KIF3B: variants seen among roughly 807,000 people sequenced by gnomAD.
KIF3B encodes kinesin family member 3B.
In KIF3B, 38 loss-of-function variants were observed where a neutral mutation model predicts 74.3. That is an observed-to-expected ratio of 0.51 (90% CI 0.39 to 0.67). The LOEUF (loss-of-function observed/expected upper bound fraction) is 0.67, where lower values mean the gene tolerates loss of function less well. Among genes scored for constraint, KIF3B ranks in the 30% least tolerant of loss-of-function variants. The pLI is 0.00. For synonymous variants in KIF3B, 326 were observed against 342.5 expected, an observed-to-expected ratio of 0.95 and a Z score of 0.53; for missense variants, 649 against 932.0, an observed-to-expected ratio of 0.70 and a Z score of 3.95.
At chr20:32,300,591 T>G (rs1191720842) in intron 1 of KIF3B, among the ~76,000 whole-genome samples, 2 of 151,916 alleles carry the variant, frequency 1.3e-5, no homozygotes, top group Non-Finnish European at 2.9e-5. Context: ...TTTTAAAAAT[T>G]TTTTTGTAGA....
chr20:32,279,631 A>G (rs2047632999), intron 1 of KIF3B, among the ~76,000 whole-genome samples: 2 of 151,918 alleles, frequency 1.3e-5, no homozygotes, highest in Non-Finnish European at 2.9e-5. Flanking sequence ...ATGCCCGGCT[A>G]ATTTTGTATT....
chr20:32,334,292 CT>C lies in KIF3B; in HGVS notation c.*2976del, dbSNP rs1377871126. On this transcript the variant is annotated 3_prime_UTR_variant, in exon 9 of 9. Coordinates refer to ENST00000375712, the MANE Select transcript of KIF3B (RefSeq NM_004798.4). ...GGCCACAAATCATAGGCATGAAGCACTTTCTTAAGACTGACCTAACGCTGGA... is the reference window on the plus strand; with the variant it reads ...GGCCACAAATCATAGGCATGAAGCACTTCTTAAGACTGACCTAACGCTGGA... 1 of 152,692 alleles carries C rather than the reference CT, an allele frequency of 6.5e-6. No homozygotes were observed. Among genetic ancestry groups the C allele is most frequent in the African/African-American group, 2.4e-5 (1 of 41,444 alleles). The allele number at this position is 152,692 out of a possible 1,614,324, so 9.5% of individuals were successfully genotyped here. A position where few individuals can be genotyped will look rare whatever the true frequency, so the allele number is the denominator to read the frequency against.
chr20:32,316,887 C>T lies in KIF3B; in HGVS notation c.1748+13C>T. ...AGCTGAAACTCAAGTAAGTGCCAGG[C>T]CTTCCATAGTGCCCCCAAGCCACTT... On this transcript the variant is annotated intron_variant, in intron 5 of 8. Coordinates refer to ENST00000375712, the MANE Select transcript of KIF3B (RefSeq NM_004798.4). 1.9e-6 allele frequency: 3 copies of T among 1,561,968 alleles called. No individual in the cohort carries two copies. Among genetic ancestry groups the T allele is most frequent in the Non-Finnish European group, 2.6e-6 (3 of 1,133,038 alleles).
At chr20:32,300,588 A>C (rs558073273) in intron 1 of KIF3B, among the ~76,000 whole-genome samples, 5 of 151,824 alleles carry the variant, frequency 3.3e-5, no homozygotes, top group Non-Finnish European at 5.9e-5. Context: ...GATTTTTAAA[A>C]ATTTTTTTGT....
At chr20:32,312,613 C>G (rs967114935) in intron 2 of KIF3B, among the ~76,000 whole-genome samples, 1 of 152,140 alleles carries the variant, frequency 6.6e-6, no homozygotes, top group Non-Finnish European at 1.5e-5. Context: ...ATTTTTGCAA[C>G]ATTACGTTCA....
At chr20:32,287,124 T>C (rs1052379094) in intron 1 of KIF3B, among the ~76,000 whole-genome samples, 3 of 152,226 alleles carry the variant, frequency 2.0e-5, no homozygotes, top group Non-Finnish European at 4.4e-5. Flanking sequence ...AAATGTTTGC[T>C]TAACATTATT....
intron 7 of KIF3B, 82 bp from the exon 8 acceptor site, chr20:32,330,059 T>C: frequency 7.7e-7 from 1 of 1,296,492 alleles, no homozygotes; most frequent in African/African-American, 1.5e-5. Flanking sequence ...TGCACTTCTA[T>C]TCTTGGAGGG....
intron 5 of KIF3B, among the ~76,000 whole-genome samples, chr20:32,326,342 ATT>A (rs1461534421): frequency 1.1e-4 from 17 of 152,148 alleles, no homozygotes; most frequent in Non-Finnish European, 2.4e-4. Context: ...AGGCAGTTTA[ATT>A]TCTTCTGTTT....
intron 1 of KIF3B, among the ~76,000 whole-genome samples, chr20:32,283,339 A>T (rs768253771): frequency 1.3e-4 from 20 of 152,044 alleles, no homozygotes; most frequent in Non-Finnish European, 2.6e-4. Context: ...CCCCTTCTTT[A>T]CTAAGAATAC....
chr20:32,331,701 G>A lies in KIF3B; in HGVS notation c.*382G>A, dbSNP rs1269868293. 2 of 205,516 alleles carry A rather than the reference G, an allele frequency of 9.7e-6. No individual in the cohort carries two copies. The highest frequency in any genetic ancestry group is 1.6e-4 in the East Asian group (1 of 6,088). The allele number at this position is 205,516 out of a possible 1,614,324, so 12.7% of individuals were successfully genotyped here. ...CTTTACATGGGGCTCCCTTCTTGTT[G>A]AACAATAGGGCAGAATCAGGAGTCA... is the stretch of plus-strand genomic sequence containing the variant. On this transcript the variant is annotated 3_prime_UTR_variant, in exon 9 of 9. Coordinates refer to ENST00000375712, the MANE Select transcript of KIF3B (RefSeq NM_004798.4).
chr20:32,283,497 C>G (rs1195921388), intron 1 of KIF3B, among the ~76,000 whole-genome samples: 1 of 148,776 alleles, frequency 6.7e-6, no homozygotes, highest in Non-Finnish European at 1.5e-5. Flanking sequence ...GAGTGAGACT[C>G]CGTCTCAAAA....
At chr20:32,284,851 C>T (rs1480581598) in intron 1 of KIF3B, among the ~76,000 whole-genome samples, 1 of 152,210 alleles carries the variant, frequency 6.6e-6, no homozygotes, top group South Asian at 2.1e-4. Context: ...GTTGTAAGCA[C>T]TTTACACATG....
intron 1 of KIF3B, among the ~76,000 whole-genome samples, chr20:32,291,341 A>C (rs765553136): frequency 6.6e-6 from 1 of 152,060 alleles, no homozygotes; most frequent in Non-Finnish European, 1.5e-5. Flanking sequence ...GAAAATCCCA[A>C]TTATGCATAA....
intron 1 of KIF3B, among the ~76,000 whole-genome samples, chr20:32,286,850 A>G (rs2047669385): frequency 6.6e-6 from 1 of 152,198 alleles, no homozygotes; most frequent in South Asian, 2.1e-4. Context: ...TATTTTGTGT[A>G]AACCTTTGTC....
chr20:32,324,450 T>A (rs1434056826), intron 5 of KIF3B, among the ~76,000 whole-genome samples: 1 of 152,146 alleles, frequency 6.6e-6, no homozygotes, highest in African/African-American at 2.4e-5. Context: ...AATGTTCATT[T>A]CTAGTAGGTT....
In KIF3B at chr20:32,331,487, T is replaced by G; in HGVS notation, c.*168T>G. On this transcript the variant is annotated 3_prime_UTR_variant, in exon 9 of 9. Coordinates refer to ENST00000375712, the MANE Select transcript of KIF3B (RefSeq NM_004798.4). ...TTAATCTGGTTGAACGTGCTGTTCCTAATCTGGCACTCAGCCCCTCTGGGA... is the reference window on the plus strand; with the variant it reads ...TTAATCTGGTTGAACGTGCTGTTCCGAATCTGGCACTCAGCCCCTCTGGGA... The G allele has an allele frequency of 1.7e-6, 1 of 576,252 alleles. No individual in the cohort carries two copies. The highest frequency in any genetic ancestry group is 3.5e-5 in the Admixed American group (1 of 28,936). 35.7% of individuals were successfully genotyped at this position (576,252 alleles called of 1,614,324 possible).
At chr20:32,285,118 A>G (rs1273761021) in intron 1 of KIF3B, among the ~76,000 whole-genome samples, 1 of 149,146 alleles carries the variant, frequency 6.7e-6, no homozygotes, top group African/African-American at 2.5e-5. Flanking sequence ...AAAAAAAAAC[A>G]GTGACTTGAA....
intron 5 of KIF3B, among the ~76,000 whole-genome samples, chr20:32,318,328 A>G (rs1432789092): frequency 2.6e-5 from 4 of 152,044 alleles, no homozygotes. Context: ...AAAAAATGAT[A>G]AAGTATACAA....
intron 1 of KIF3B, among the ~76,000 whole-genome samples, chr20:32,291,905 C>G (rs1203624452): frequency 6.7e-6 from 1 of 149,672 alleles, no homozygotes; most frequent in Non-Finnish European, 1.5e-5. Flanking sequence ...GTGTGAGCCA[C>G]CGCGCCTCGC....
Sources: gnomAD v4.1 joint callset for allele counts (sites outside exome capture counted in the v4.1 genomes callset) on GRCh38, gnomAD v4.1.1 for gene constraint, MANE v1.5 for transcripts, NCBI Gene and HGNC (gene_info 2026-07-23, HGNC 2026-07-21) for gene names.